Variants in DLGAP2 observed in about 807,000 individuals in gnomAD.
DLGAP2 encodes DLG associated protein 2, also known as disks large-associated protein 2.
A neutral mutation model predicts 100.3 loss-of-function variants in DLGAP2; 26 were observed. The observed-to-expected ratio is 0.26, with a 90% CI of 0.19 to 0.36. DLGAP2 has a LOEUF of 0.36. Among genes scored for constraint, DLGAP2 ranks in the 10% least tolerant of loss-of-function variants. The probability of loss-of-function intolerance (pLI) is 1.00; values close to 1 mark genes in which losing one functional copy is unlikely to be tolerated. For synonymous variants in DLGAP2, 886 were observed against 630.1 expected, an observed-to-expected ratio of 1.41 and a Z score of -6.08; for missense variants, 1,858 against 1,453.2, an observed-to-expected ratio of 1.28 and a Z score of -4.53.
intron 2 of DLGAP2, among the ~76,000 whole-genome samples, chr8:1,163,251 C>G (rs1051744429): frequency 9.2e-5 from 14 of 152,220 alleles, no homozygotes; most frequent in Admixed American, 2.0e-4. Flanking sequence ...AATCGCCTCC[C>G]TCTGGGGAGT....
At chr8:1,332,980 C>T (rs568305730) in intron 3 of DLGAP2, among the ~76,000 whole-genome samples, 3 of 152,308 alleles carry the variant, frequency 2.0e-5, no homozygotes, top group Non-Finnish European at 2.9e-5. Flanking sequence ...GTGGCCGCCT[C>T]GTCAGGCCCC....
At chr8:1,548,478 A>AAAAC in intron 4 of DLGAP2, 148 bp from the exon 5 acceptor site, 3 of 571,236 alleles carry the variant, frequency 5.3e-6, no homozygotes, top group Non-Finnish European at 8.1e-6. Flanking sequence ...AAAAAAAAAA[A>AAAAC]AAAAAACCCA....
intron 3 of DLGAP2, among the ~76,000 whole-genome samples, chr8:1,335,878 C>G (rs746118500): frequency 1.3e-5 from 2 of 151,532 alleles, no homozygotes; most frequent in East Asian, 1.9e-4. Flanking sequence ...GTGGCAGAGC[C>G]GGGGCTGCGC....
chr8:1,464,308 TCCAGGACAACGCCC>T, intron 3 of DLGAP2, among the ~76,000 whole-genome samples: 1 of 113,820 alleles, frequency 8.8e-6, no homozygotes, highest in African/African-American at 3.6e-5. Context: ...ATGGCACCCT[TCCAGGACAACGCCC>T]TTCCAGGACG....
At chr8:1,541,966 T>G (rs1801376564) in intron 4 of DLGAP2, among the ~76,000 whole-genome samples, 1 of 152,168 alleles carries the variant, frequency 6.6e-6, no homozygotes, top group African/African-American at 2.4e-5. Context: ...CACAGGACCT[T>G]TGATTATTGA....
rs1262138798 is a variant in DLGAP2, at chr8:919,410, G to GT, written c.73+11445dup. Among the ~76,000 whole-genome samples, 6 of 152,300 alleles carry GT rather than the reference G, an allele frequency of 3.9e-5. No individual in the cohort carries two copies. In the East Asian group the frequency reaches 1.2e-3, roughly 29 times the overall value. On this transcript the variant is annotated intron_variant, in intron 2 of 14. Transcript: ENST00000637795. ...CCTAAAGTACTAGGTTTTGGGCAGC[G>GT]TGAGTGGGGAAGGGAAGCTGGTGGA... is the stretch of plus-strand genomic sequence containing the variant.
chr8:1,218,810 A>G (rs1481433930), intron 2 of DLGAP2, among the ~76,000 whole-genome samples: 1 of 151,994 alleles, frequency 6.6e-6, no homozygotes, highest in African/African-American at 2.4e-5. Context: ...ATCTTTCAGA[A>G]TTTTGTAATT....
At chr8:982,552 C>A (rs769352252) in intron 2 of DLGAP2, among the ~76,000 whole-genome samples, 12 of 152,012 alleles carry the variant, frequency 7.9e-5, no homozygotes, top group Non-Finnish European at 1.6e-4. Flanking sequence ...AAAAATAGAG[C>A]CTTATAAAGA....
chr8:1,417,780 C>T (rs572951048), intron 3 of DLGAP2, among the ~76,000 whole-genome samples: 1 of 149,548 alleles, frequency 6.7e-6, no homozygotes. Flanking sequence ...GGAATGATTT[C>T]AGAGAAAGTG....
chr8:1,493,557 G>A (rs80164478), intron 3 of DLGAP2, among the ~76,000 whole-genome samples: 2,187 of 152,356 alleles, frequency 0.014, 52 homozygotes, highest in African/African-American at 0.051. Context: ...TGTGGGAGCC[G>A]CGAGGGTCCT....
chr8:837,807 C>T (rs1043592054), intron 1 of DLGAP2, among the ~76,000 whole-genome samples: 1 of 150,740 alleles, frequency 6.6e-6, no homozygotes, highest in Non-Finnish European at 1.5e-5. Context: ...ACTTCTGCCT[C>T]CCGGGTTCAA....
Position 1,668,797 on chromosome 8 carries a change from G to A in DLGAP2, c.2160+119G>A, listed in dbSNP as rs1026623205. The A allele has an allele frequency of 4.6e-5, 45 of 970,262 alleles. No homozygotes were observed. The Middle Eastern group carries it at 2.0e-3, about 42-fold the overall frequency. 60.1% of individuals were successfully genotyped at this position (970,262 alleles called of 1,614,324 possible). A position where few individuals can be genotyped will look rare whatever the true frequency, so the allele number is the denominator to read the frequency against. On this transcript the variant is annotated intron_variant, in intron 9 of 14. Transcript: ENST00000637795. ...TTAGCACTGACTGTAACCCCAGCAG[G>A]GCTGTGGAATCTGAGAGCAGGGCTG...
intron 2 of DLGAP2, among the ~76,000 whole-genome samples, chr8:1,044,898 C>G (rs1003634828): frequency 6.6e-6 from 1 of 152,200 alleles, no homozygotes; most frequent in Non-Finnish European, 1.5e-5. Flanking sequence ...ATATTCAAAC[C>G]TTCCCTGTTG....
At chr8:1,291,853 C>A (rs995361551) in intron 3 of DLGAP2, among the ~76,000 whole-genome samples, 1 of 152,172 alleles carries the variant, frequency 6.6e-6, no homozygotes, top group East Asian at 1.9e-4. Context: ...GGCCATATGG[C>A]TTAGTCTAAT....
intron 2 of DLGAP2, among the ~76,000 whole-genome samples, chr8:1,171,029 A>G (rs529521998): frequency 2.6e-5 from 4 of 151,884 alleles, no homozygotes; most frequent in Non-Finnish European, 5.9e-5. Context: ...TTAGTGCTAT[A>G]AATTTCCCTC....
intron 2 of DLGAP2, among the ~76,000 whole-genome samples, chr8:1,050,086 T>TCA (rs936379092): frequency 6.6e-6 from 1 of 152,206 alleles, no homozygotes; most frequent in African/African-American, 2.4e-5. Context: ...GCACAGGCAG[T>TCA]CACACACATA....
chr8:1,417,086 TG>T (rs1469557810), intron 3 of DLGAP2, among the ~76,000 whole-genome samples: 1 of 8,410 alleles, frequency 1.2e-4, no homozygotes, highest in East Asian at 7.2e-3. Flanking sequence ...AGGGCGGGGG[TG>T]GGGGGATGGG....
chr8:1,072,531 C>T (rs1426368966), intron 2 of DLGAP2, among the ~76,000 whole-genome samples: 1 of 152,104 alleles, frequency 6.6e-6, no homozygotes, highest in Non-Finnish European at 1.5e-5. Flanking sequence ...AGCGTTTCTC[C>T]CCGCGGTAGT....
rs374751341 is a variant in DLGAP2, at chr8:1,033,965, C to T, written c.73+125999C>T. ...TGGACTCACACGCTCATCCCGACCCCGCGTGTCACCGTGAGTGGACTCACA... is the reference window on the plus strand; with the variant it reads ...TGGACTCACACGCTCATCCCGACCCTGCGTGTCACCGTGAGTGGACTCACA... On this transcript the variant is annotated intron_variant, in intron 2 of 14. Coordinates refer to ENST00000637795, the MANE Select transcript of DLGAP2 (RefSeq NM_001346810.2). 2.1e-3 allele frequency among the ~76,000 whole-genome samples: 199 copies of T among 96,018 alleles called. 13 individuals carry two copies. Among genetic ancestry groups the T allele is most frequent in the Middle Eastern group, 8.1e-3 (1 of 124 alleles). The allele number at this position is 96,018 out of a possible 152,430, so 63.0% of individuals were successfully genotyped here.
Sources: allele counts gnomAD v4.1 joint callset (sites outside exome capture counted in the v4.1 genomes callset), GRCh38; gene constraint gnomAD v4.1.1; transcripts MANE v1.5; gene names NCBI Gene and HGNC (gene_info 2026-07-23, HGNC 2026-07-21).